Variants in BBX observed in about 807,000 individuals in gnomAD.
BBX encodes BBX high mobility group box domain containing, also known as HMG box transcription factor BBX.
Under a neutral mutation model 100.2 loss-of-function variants are expected in BBX, and 30 were observed. The observed-to-expected ratio is 0.30, with a 90% confidence interval of 0.22 to 0.41. The LOEUF (loss-of-function observed/expected upper bound fraction) is 0.41. BBX is among the 10% of genes least tolerant of loss of function. BBX has a pLI of 1.00. For synonymous variants in BBX, 376 were observed against 388.1 expected (o/e 0.97, Z 0.37); for missense variants, 1,023 against 1,129.8 (o/e 0.91, Z 1.35).
At chr3:107,706,700 G>A (rs2061417862) in intron 3 of BBX, among the ~76,000 whole-genome samples, 1 of 152,264 alleles carries the variant, frequency 6.6e-6, no homozygotes, top group East Asian at 1.9e-4. Flanking sequence ...ATTTGCTCTT[G>A]TTCTAAGACC....
At chr3:107,611,752 T>C (rs547433505) in intron 2 of BBX, among the ~76,000 whole-genome samples, 1 of 152,282 alleles carries the variant, frequency 6.6e-6, no homozygotes, top group East Asian at 1.9e-4. Flanking sequence ...GTAACTTTCT[T>C]GTACTTGGAT....
intron 3 of BBX, among the ~76,000 whole-genome samples, chr3:107,698,195 T>G (rs1343722104): frequency 6.6e-6 from 1 of 151,834 alleles, no homozygotes; most frequent in Non-Finnish European, 1.5e-5. Context: ...CCAGAGCTGT[T>G]CCTATTCGGC....
At chr3:107,575,061 C>T (rs1209885004) in intron 2 of BBX, among the ~76,000 whole-genome samples, 5 of 152,186 alleles carry the variant, frequency 3.3e-5, no homozygotes, top group Non-Finnish European at 5.9e-5. Context: ...TGTTTCCACC[C>T]TTAGAAATTC....
At chr3:107,769,143 A>G (rs1176304566) in intron 10 of BBX, among the ~76,000 whole-genome samples, 1 of 151,708 alleles carries the variant, frequency 6.6e-6, no homozygotes, top group Non-Finnish European at 1.5e-5. Flanking sequence ...ACTCCAGGCT[A>G]CATAATAGAG....
intron 2 of BBX, among the ~76,000 whole-genome samples, chr3:107,623,890 C>G (rs1009227226): frequency 6.6e-6 from 1 of 152,130 alleles, no homozygotes; most frequent in East Asian, 1.9e-4. Flanking sequence ...CCCTATTTTA[C>G]AGACTCTCGT....
intron 10 of BBX, among the ~76,000 whole-genome samples, chr3:107,764,322 C>A (rs1035540487): frequency 6.6e-6 from 1 of 152,184 alleles, no homozygotes; most frequent in Non-Finnish European, 1.5e-5. Context: ...TAAAGTAACT[C>A]TTTCCTTGTG....
At chr3:107,754,315 G>A (rs2065305982) in intron 9 of BBX, among the ~76,000 whole-genome samples, 1 of 152,062 alleles carries the variant, frequency 6.6e-6, no homozygotes, top group African/African-American at 2.4e-5. Context: ...GTCTAGAAAA[G>A]GTAGAAGTAG....
intron 3 of BBX, among the ~76,000 whole-genome samples, chr3:107,675,935 A>G (rs955918003): frequency 6.6e-6 from 1 of 152,200 alleles, no homozygotes; most frequent in Non-Finnish European, 1.5e-5. Flanking sequence ...TATAAATTAA[A>G]TATGACACCA....
intron 15 of BBX, among the ~76,000 whole-genome samples, chr3:107,798,213 A>T (rs2069956360): frequency 6.6e-6 from 1 of 152,248 alleles, no homozygotes; most frequent in African/African-American, 2.4e-5. Flanking sequence ...CATAATTTAC[A>T]AGAGGACATA....
intron 7 of BBX, among the ~76,000 whole-genome samples, chr3:107,734,763 C>G (rs955487255): frequency 1.3e-5 from 2 of 152,094 alleles, no homozygotes; most frequent in African/African-American, 4.8e-5. Context: ...TCTTTTTCCC[C>G]TTTTTGCTTA....
chr3:107,726,357 C>T (rs1052997760), intron 5 of BBX, among the ~76,000 whole-genome samples: 1 of 151,800 alleles, frequency 6.6e-6, no homozygotes, highest in African/African-American at 2.4e-5. Flanking sequence ...TGTGTTTTTA[C>T]ATGAATTGAT....
At chr3:107,763,269 G>T (rs1465967998) in intron 10 of BBX, among the ~76,000 whole-genome samples, 1 of 149,304 alleles carries the variant, frequency 6.7e-6, no homozygotes, top group East Asian at 1.9e-4. Flanking sequence ...CTGTTGCCCA[G>T]GCTGGAGTGC....
intron 2 of BBX, among the ~76,000 whole-genome samples, chr3:107,626,195 T>G (rs2056161992): frequency 6.6e-6 from 1 of 152,194 alleles, no homozygotes; most frequent in Non-Finnish European, 1.5e-5. Flanking sequence ...ACATGTTCTA[T>G]ATGGGTGACT....
chr3:107,756,407 A>G (rs1404374996), intron 10 of BBX, among the ~76,000 whole-genome samples: 1 of 152,180 alleles, frequency 6.6e-6, no homozygotes, highest in African/African-American at 2.4e-5. Context: ...TAGGAGGTAG[A>G]AAGTGGATAA....
chr3:107,585,235 T>G (rs2052743414), intron 2 of BBX, among the ~76,000 whole-genome samples: 1 of 152,000 alleles, frequency 6.6e-6, no homozygotes, highest in Non-Finnish European at 1.5e-5. Flanking sequence ...TCTGGAGGAA[T>G]GGAGAAGGGT....
chr3:107,783,157 A>T (rs1355898555), intron 13 of BBX, among the ~76,000 whole-genome samples: 2 of 152,148 alleles, frequency 1.3e-5, no homozygotes, highest in African/African-American at 4.8e-5. Context: ...GATTGGCAGA[A>T]ATCAAATTTT....
At chr3:107,678,237 A>C in intron 3 of BBX, among the ~76,000 whole-genome samples, 1 of 149,544 alleles carries the variant, frequency 6.7e-6, no homozygotes, top group African/African-American at 2.5e-5. Flanking sequence ...TTTGCCCCCC[A>C]CCCCCATTTT....
intron 3 of BBX, among the ~76,000 whole-genome samples, chr3:107,705,107 G>A (rs1185410342): frequency 6.6e-6 from 1 of 152,124 alleles, no homozygotes; most frequent in East Asian, 1.9e-4. Flanking sequence ...AATTTGTGTG[G>A]AAGTACTAGA....
intron 12 of BBX, among the ~76,000 whole-genome samples, chr3:107,776,578 G>C (rs2067337423): frequency 1.3e-5 from 2 of 152,174 alleles, no homozygotes; most frequent in East Asian, 1.9e-4. Flanking sequence ...CTGTCAGTCT[G>C]CTCTGAGATT....
Sources: allele counts gnomAD v4.1 joint callset (sites outside exome capture counted in the v4.1 genomes callset), GRCh38; gene constraint gnomAD v4.1.1; transcripts MANE v1.5; gene names NCBI Gene and HGNC (gene_info 2026-07-23, HGNC 2026-07-21).